The following SMARCC1 variants were observed in gnomAD, a reference collection of about 807,000 sequenced individuals.
SMARCC1 encodes SWI/SNF related BAF chromatin remodeling complex subunit C1, also known as SWI/SNF complex subunit SMARCC1.
A neutral mutation model predicts 147.4 loss-of-function variants in SMARCC1; 43 were observed. The ratio of observed to expected loss-of-function variants is 0.29; its 90% confidence interval spans 0.23 to 0.38. The LOEUF is 0.38. SMARCC1 is among the 10% of genes least tolerant of loss of function. SMARCC1 has a pLI of 1.00. For synonymous variants in SMARCC1, 495 were observed against 484.4 expected, an observed-to-expected ratio of 1.02 and a Z score of -0.29; for missense variants, 1,119 against 1,381.1, an observed-to-expected ratio of 0.81 and a Z score of 3.01.
intron 24 of SMARCC1, among the ~76,000 whole-genome samples, chr3:47,630,002 G>C (rs1392215492): frequency 6.6e-6 from 1 of 151,670 alleles, no homozygotes; most frequent in Non-Finnish European, 1.5e-5. Context: ...GAAGCTACAG[G>C]GAGAGGCCCA....
chr3:47,746,207 G>C (rs889829879), intron 2 of SMARCC1: 3 of 397,806 alleles, frequency 7.5e-6, no homozygotes, highest in Admixed American at 4.6e-5. Context: ...CCAACACTCT[G>C]GGAGCGTGAA....
chr3:47,621,910 CTCTAAGA>C (rs1378072731), intron 25 of SMARCC1, among the ~76,000 whole-genome samples: 3 of 151,088 alleles, frequency 2.0e-5, no homozygotes, highest in African/African-American at 7.3e-5. Context: ...AATGAAATAA[CTCTAAGA>C]TCTAAGTTTT....
rs570224359 is a variant in SMARCC1 at position 47,689,400 on chromosome 3, G to C, written c.1250C>G (p.Thr417Arg). Residue 417 changes from threonine (T) to arginine (R), a missense_variant, in exon 13 of 28, where the codon ACA (threonine) becomes AGA (arginine). Coordinates refer to ENST00000254480, the MANE Select transcript of SMARCC1 (RefSeq NM_003074.4). ...CTGAATTGTTACCTTTCCTCCTGCT[G>C]TGACTGTTTCTTCATCCTGCTCATC... ...DLDEQDEETVTAGGKEDEDPA... is the reference protein window; with the variant it reads ...DLDEQDEETVRAGGKEDEDPA... 1 of 1,613,062 alleles carries C rather than the reference G, an allele frequency of 6.2e-7. No homozygotes were observed. Among genetic ancestry groups the C allele is most frequent in the Non-Finnish European group, 8.5e-7 (1 of 1,179,112 alleles).
intron 26 of SMARCC1, among the ~76,000 whole-genome samples, chr3:47,601,370 G>T (rs147570233): frequency 6.6e-6 from 1 of 152,296 alleles, no homozygotes; most frequent in East Asian, 1.9e-4. Flanking sequence ...TGAATTTCCA[G>T]TCTTGAGCAC....
intron 2 of SMARCC1, among the ~76,000 whole-genome samples, chr3:47,765,181 G>A (rs2034821849): frequency 1.3e-5 from 2 of 152,106 alleles, no homozygotes; most frequent in Non-Finnish European, 2.9e-5. Flanking sequence ...AACTCGGGAG[G>A]CAGAGGTTGC....
intron 5 of SMARCC1, among the ~76,000 whole-genome samples, chr3:47,734,382 T>C (rs1247237653): frequency 6.6e-6 from 1 of 152,202 alleles, no homozygotes. Flanking sequence ...AGAGGAAGAA[T>C]GTACTCAATC....
In SMARCC1 at chr3:47,676,800, GA is replaced by G. The variant is rs1559642216; in HGVS notation, c.1572-19del. 6.2e-7 allele frequency: 1 copy of G among 1,608,682 alleles called. No homozygotes were observed. The highest frequency in any genetic ancestry group is 8.5e-7 in the Non-Finnish European group (1 of 1,177,710). On this transcript the variant is annotated intron_variant, in intron 16 of 27. Coordinates refer to ENST00000254480, the MANE Select transcript of SMARCC1 (RefSeq NM_003074.4). The stretch of plus-strand genomic sequence containing the variant: ...CATGGACCCTAAAGAATAAAGCTCG[GA>G]AAGTTAAAATCTAAAGAATCAACTT...
At chr3:47,608,313 C>T (rs2032510153) in intron 26 of SMARCC1, among the ~76,000 whole-genome samples, 1 of 24,238 alleles carries the variant, frequency 4.1e-5, no homozygotes, top group South Asian at 0.05. Flanking sequence ...GTCTCGAACT[C>T]CTGACTCAGG....
chr3:47,633,046 C>T (rs2032913819), intron 24 of SMARCC1, among the ~76,000 whole-genome samples: 2 of 150,990 alleles, frequency 1.3e-5, no homozygotes, highest in South Asian at 2.1e-4. Context: ...GGCAAAGTAA[C>T]TGGAATAAGA....
intron 11 of SMARCC1, among the ~76,000 whole-genome samples, chr3:47,696,851 T>G (rs1466630786): frequency 6.6e-6 from 1 of 152,096 alleles, no homozygotes; most frequent in African/African-American, 2.4e-5. Context: ...AAAGACTAGA[T>G]TTTCAGTGAA....
chr3:47,688,934 G>A (rs1353553181), intron 13 of SMARCC1, among the ~76,000 whole-genome samples: 1 of 152,128 alleles, frequency 6.6e-6, no homozygotes, highest in Non-Finnish European at 1.5e-5. Context: ...ATTTTGCCGA[G>A]CGCAGTGGCT....
chr3:47,665,463 T>A (rs1363022228), intron 19 of SMARCC1, among the ~76,000 whole-genome samples: 3 of 152,182 alleles, frequency 2.0e-5, no homozygotes, highest in Non-Finnish European at 4.4e-5. Context: ...CCTTTTCCAA[T>A]GAAATTTTTA....
Position 47,587,152 on chromosome 3 carries a change from T to C in SMARCC1, c.*1057A>G, listed in dbSNP as rs963386703. 1.2e-4 allele frequency: 18 copies of C among 152,752 alleles called. No homozygotes were observed. The highest frequency in any genetic ancestry group is 4.8e-5 in the African/African-American group (2 of 41,574). 9.5% of individuals were successfully genotyped at this position (152,752 alleles called of 1,614,324 possible). On this transcript the variant is annotated 3_prime_UTR_variant, in exon 28 of 28. Coordinates refer to ENST00000254480, the MANE Select transcript of SMARCC1 (RefSeq NM_003074.4). ...ACGAAATTCCACTCCCTGGCTACTG[T>C]AACAAGAGGTAGTTTGGGGACTTGT...
At chr3:47,692,176 A>T (rs967939826) in intron 12 of SMARCC1, among the ~76,000 whole-genome samples, 1 of 152,228 alleles carries the variant, frequency 6.6e-6, no homozygotes, top group African/African-American at 2.4e-5. Flanking sequence ...TGAAGAAAAG[A>T]AATCAAGCCT....
intron 6 of SMARCC1, among the ~76,000 whole-genome samples, chr3:47,726,441 T>C (rs2034301472): frequency 6.6e-6 from 1 of 152,200 alleles, no homozygotes; most frequent in African/African-American, 2.4e-5. Context: ...TTATTGCCAA[T>C]GCTTTATTCT....
chr3:47,595,028 G>A (rs146132069), intron 26 of SMARCC1, among the ~76,000 whole-genome samples: 1 of 152,250 alleles, frequency 6.6e-6, no homozygotes, highest in Non-Finnish European at 1.5e-5. Flanking sequence ...AACATTTTGG[G>A]ATTGGTTTTT....
At chr3:47,779,325 T>A (rs922625380) in intron 1 of SMARCC1, among the ~76,000 whole-genome samples, 1 of 152,212 alleles carries the variant, frequency 6.6e-6, no homozygotes, top group Non-Finnish European at 1.5e-5. Flanking sequence ...GAAAATGCAG[T>A]ATTAAATGCA....
chr3:47,634,254 TGGGTTGA>T (rs1230248399), intron 24 of SMARCC1, among the ~76,000 whole-genome samples: 1 of 152,212 alleles, frequency 6.6e-6, no homozygotes, highest in Non-Finnish European at 1.5e-5. Flanking sequence ...AGTAACTCTC[TGGGTTGA>T]CTGAGCATTT....
intron 21 of SMARCC1, among the ~76,000 whole-genome samples, chr3:47,642,664 G>C (rs1223098748): frequency 1.3e-5 from 2 of 152,160 alleles, no homozygotes; most frequent in African/African-American, 4.8e-5. Context: ...ACGCTTGGTA[G>C]ATCAGCAGAG....
Sources: allele counts gnomAD v4.1 joint callset (sites outside exome capture counted in the v4.1 genomes callset), GRCh38; gene constraint gnomAD v4.1.1; transcripts MANE v1.5; gene names NCBI Gene and HGNC (gene_info 2026-07-23, HGNC 2026-07-21).